Variants in SIGLEC9 observed in about 807,000 individuals in gnomAD.
SIGLEC9 encodes sialic acid-binding Ig-like lectin 9.
A neutral mutation model predicts 38.3 loss-of-function variants in SIGLEC9; 26 were observed. The observed-to-expected ratio is 0.68, with a 90% CI of 0.50 to 0.94. The LOEUF (loss-of-function observed/expected upper bound fraction) is 0.94, where lower values mean the gene tolerates loss of function less well. Among genes scored for constraint, SIGLEC9 ranks in the 40% least tolerant of loss-of-function variants. SIGLEC9 has a pLI of 0.00. For missense variants in SIGLEC9, 556 were observed against 585.7 expected (o/e 0.95, Z 0.52); for synonymous variants, 236 against 248.0 (o/e 0.95, Z 0.45).
chr19:51,135,187 A>G (rs568323262), downstream of SIGLEC9, among the ~76,000 whole-genome samples: 1 of 152,192 alleles, frequency 6.6e-6, no homozygotes, highest in Non-Finnish European at 1.5e-5. Context: ...TAACCACTTA[A>G]CACCACTTTC....
intron 6 of SIGLEC9, 60 bp downstream of exon 6, chr19:51,128,570 C>T: frequency 1.3e-6 from 2 of 1,488,576 alleles, no homozygotes; most frequent in Admixed American, 1.8e-5. Context: ...ACAGGATGAC[C>T]CCCAGGACTA....
At chr19:51,127,339 A>G (rs1286903346) in intron 4 of SIGLEC9, 43 bp downstream of exon 4, 3 of 1,549,980 alleles carry the variant, frequency 1.9e-6, no homozygotes, top group Non-Finnish European at 2.6e-6. Flanking sequence ...AGAGGAGAAC[A>G]CACCTCCTCC....
Position 51,128,437 on chromosome 19 carries a change from C to T in SIGLEC9, c.1130C>T (p.Ser377Leu), listed in dbSNP as rs192799402. 88 of 1,614,086 alleles carry T rather than the reference C, an allele frequency of 5.5e-5. No individual in the cohort carries two copies. Among genetic ancestry groups the T allele is most frequent in the Admixed American group, 3.2e-4 (19 of 60,004 alleles). The change falls in exon 6 of 7, where the codon TCG becomes TTG. Residue 377 changes from serine to leucine, a missense_variant. Ser to Leu is a moderately radical substitution (Grantham distance 145). Transcript: ENST00000250360. ...AGAGTGAGGTCCTGCAGGAAGAAAT[C>T]GGCAAGGCCAGCAGCGGGCGTGGGA... is the stretch of plus-strand genomic sequence containing the variant. ...FVVVRSCRKK[S>L]ARPAAGVGDT...
At chr19:51,127,750 C>A (rs273689) in intron 4 of SIGLEC9, among the ~76,000 whole-genome samples, 199 bp from the exon 5 acceptor site, 1,669 of 150,180 alleles carry the variant, frequency 0.011, 16 homozygotes, top group African/African-American at 0.031. Context: ...TGAAAAAAAA[C>A]CCCAAAAGGA....
At position 51,126,118 on chromosome 19, in the gene SIGLEC9, A is replaced by C. The variant is rs2091977739; in HGVS notation, c.738A>C (p.Gly246=). The C allele has an allele frequency of 6.2e-7, 1 of 1,613,920 alleles. No homozygotes were observed. Among genetic ancestry groups the C allele is most frequent in the Non-Finnish European group, 8.5e-7 (1 of 1,179,906 alleles). The part of the protein sequence containing the change: ...PQNLTMTVFQ[G]DGTVSTVLGN... Reference sequence around the variant, plus strand: ...ACTTGACCATGACTGTCTTCCAAGGAGACGGCACAGGTAGGATGGAGCTCC... The same window carrying C: ...ACTTGACCATGACTGTCTTCCAAGGCGACGGCACAGGTAGGATGGAGCTCC... The change falls in exon 3 of 7, where the codon GGA becomes GGC. Residue 246 remains glycine (G), a synonymous_variant. Coordinates refer to ENST00000250360, the MANE Select transcript of SIGLEC9 (RefSeq NM_014441.3).
chr19:51,129,596 A>G (rs919834427), intron 6 of SIGLEC9, among the ~76,000 whole-genome samples: 4 of 151,264 alleles, frequency 2.6e-5, no homozygotes, highest in Non-Finnish European at 4.4e-5. Context: ...GTCACCCAGG[A>G]TGTAGTGCAG....
chr19:51,130,756 G>GA (rs2092010777), downstream of SIGLEC9, among the ~76,000 whole-genome samples: 1 of 152,156 alleles, frequency 6.6e-6, no homozygotes, highest in Admixed American at 6.5e-5. Context: ...CCTGGATCCT[G>GA]AACCTCCCAT....
chr19:51,128,483 A>G lies in SIGLEC9; in HGVS notation c.1176A>G (p.Ala392=), dbSNP rs768717613. ...AGVGDTGIED[A]NAVRGSASQG... is the part of the protein sequence containing the mutation. ...TGGGAGATACGGGCATAGAGGATGC[A>G]AACGCTGTCAGGGGTTCAGCCTCTC... Residue 392 remains alanine (A), a synonymous_variant, in exon 6 of 7, where the codon GCA becomes GCG. Coordinates refer to ENST00000250360, the MANE Select transcript of SIGLEC9 (RefSeq NM_014441.3). 3 of 1,614,084 alleles carry G rather than the reference A, an allele frequency of 1.9e-6. No individual in the cohort carries two copies. The South Asian group carries it at 3.3e-5, about 18-fold the overall frequency.
chr19:51,125,733 C>A lies in SIGLEC9; in HGVS notation c.558C>A (p.Ser186=). 1 of 1,614,070 alleles carries A rather than the reference C, an allele frequency of 6.2e-7. No individual in the cohort carries two copies. The highest frequency in any genetic ancestry group is 8.5e-7 in the Non-Finnish European group (1 of 1,179,992). ...TCTCCTGGATAGGGACCTCCGTGTC[C>A]CCCCTGGACCCCTCCACCACCCGCT... ...PMISWIGTSV[S]PLDPSTTRSS... The change falls in exon 2 of 7, where the codon TCC becomes TCA. Residue 186 remains serine, a synonymous_variant. Transcript: ENST00000250360.
intron 6 of SIGLEC9, among the ~76,000 whole-genome samples, chr19:51,129,389 G>A (rs1412154106): frequency 6.6e-6 from 1 of 151,914 alleles, no homozygotes; most frequent in Non-Finnish European, 1.5e-5. Context: ...TCAGTCTCCT[G>A]ACCTTGTGAT....
chr19:51,125,043 G>C lies in SIGLEC9; in HGVS notation c.69G>C (p.Leu23=). The stretch of plus-strand genomic sequence containing the variant: ...CGGAAGGACAGACAAGTAAACTGCT[G>C]ACGATGCAGAGTTCCGTGACGGTGC... ...ERAEGQTSKL[L]TMQSSVTVQE... is the part of the protein sequence containing the mutation. The change falls in exon 1 of 7, where the codon CTG becomes CTC. Residue 23 remains leucine (L), a synonymous_variant. Transcript: ENST00000250360. The C allele has an allele frequency of 6.2e-7, 1 of 1,614,036 alleles. No homozygotes were observed. Among genetic ancestry groups the C allele is most frequent in the Non-Finnish European group, 8.5e-7 (1 of 1,179,938 alleles).
chr19:51,132,989 A>G (rs1330476448), downstream of SIGLEC9, among the ~76,000 whole-genome samples: 5 of 151,728 alleles, frequency 3.3e-5, no homozygotes, highest in Non-Finnish European at 4.4e-5. Flanking sequence ...ATGTATGTAC[A>G]TAAGTATAGA....
At chr19:51,132,080 G>T (rs2092019008), downstream of SIGLEC9, among the ~76,000 whole-genome samples, 1 of 152,182 alleles carries the variant, frequency 6.6e-6, no homozygotes, top group Admixed American at 6.5e-5. Flanking sequence ...CTGTCTTCAA[G>T]GTAATGAGAG....
At chr19:51,128,541 T>C (rs757795183) in intron 6 of SIGLEC9, 31 bp downstream of exon 6, 5 of 1,600,286 alleles carry the variant, frequency 3.1e-6, no homozygotes, top group Non-Finnish European at 4.3e-6. Flanking sequence ...ACAGCCAGCA[T>C]GTAGCCTGGA....
chr19:51,133,142 G>A (rs1161771240), downstream of SIGLEC9, among the ~76,000 whole-genome samples: 1 of 152,002 alleles, frequency 6.6e-6, no homozygotes, highest in Non-Finnish European at 1.5e-5. Context: ...CACATTTAGA[G>A]AAGGCAGACT....
chr19:51,125,560 C>CA, intron 1 of SIGLEC9, 37 bp from the exon 2 acceptor site: 1 of 1,605,174 alleles, frequency 6.2e-7, no homozygotes, highest in Non-Finnish European at 8.5e-7. Flanking sequence ...CACCATGGAT[C>CA]CTCTGACCTG....
chr19:51,128,739 CT>C, intron 6 of SIGLEC9: 1 of 475,084 alleles, frequency 2.1e-6, no homozygotes, highest in Non-Finnish European at 3.8e-6. Context: ...GGATCTCTGT[CT>C]TTTGTTCCCT....
In SIGLEC9 at chr19:51,127,263, T is replaced by TC. The variant is rs759526927; in HGVS notation, c.983dup (p.Gln329SerfsTer78). 1 of 1,613,736 alleles carries TC rather than the reference T, an allele frequency of 6.2e-7. No homozygotes were observed. Among genetic ancestry groups the TC allele is most frequent in the African/African-American group, 1.3e-5 (1 of 75,058 alleles). On this transcript the variant is annotated frameshift_variant, in exon 4 of 7. Coordinates refer to ENST00000250360, the MANE Select transcript of SIGLEC9 (RefSeq NM_014441.3). LOFTEE classifies it high-confidence loss of function. Reference sequence around the variant, plus strand: ...CTGCAGAGCTCAGAACCCTCTCGGCTCTCAGCAGGTCTACCTGAACGTCTC... The same window carrying TC: ...CTGCAGAGCTCAGAACCCTCTCGGCTCCTCAGCAGGTCTACCTGAACGTCTC...
At chr19:51,126,527 C>T (rs2091980418) in intron 3 of SIGLEC9, among the ~76,000 whole-genome samples, 1 of 152,200 alleles carries the variant, frequency 6.6e-6, no homozygotes, top group African/African-American at 2.4e-5. Flanking sequence ...CCTCCGATGC[C>T]TGCCCCCCTC....
Sources: allele counts gnomAD v4.1 joint callset (sites outside exome capture counted in the v4.1 genomes callset), GRCh38; gene constraint gnomAD v4.1.1; transcripts MANE v1.5; gene names NCBI Gene and HGNC (gene_info 2026-07-23, HGNC 2026-07-21).